The following CHMP4B variants were observed in gnomAD, a reference collection of about 807,000 sequenced individuals.
CHMP4B encodes SNF7 homolog associated with Alix 1.
In CHMP4B, 1 loss-of-function variant was observed where a neutral mutation model predicts 25.1. That is an observed-to-expected ratio of 0.04 (90% confidence interval 0.01 to 0.19). The LOEUF (loss-of-function observed/expected upper bound fraction) is 0.19, where lower values mean the gene tolerates loss of function less well. CHMP4B is among the 10% of genes least tolerant of loss of function. The pLI is 1.00. For missense variants in CHMP4B, 151 were observed against 289.7 expected (o/e 0.52, Z 3.48); for synonymous variants, 101 against 115.6 (o/e 0.87, Z 0.81).
intron 1 of CHMP4B, among the ~76,000 whole-genome samples, chr20:33,845,005 C>T (rs1486335301): frequency 6.6e-6 from 1 of 152,094 alleles, no homozygotes; most frequent in Non-Finnish European, 1.5e-5. Flanking sequence ...GTAATCCACC[C>T]GCCTTGGCCC....
At chr20:33,825,332 G>C (rs1189846961) in intron 1 of CHMP4B, among the ~76,000 whole-genome samples, 3 of 152,186 alleles carry the variant, frequency 2.0e-5, no homozygotes, top group Admixed American at 6.5e-5. Context: ...ATGGTCACAT[G>C]GTAGTTGTTT....
At chr20:33,847,392 G>T (rs1190580384) in intron 1 of CHMP4B, among the ~76,000 whole-genome samples, 4 of 151,952 alleles carry the variant, frequency 2.6e-5, no homozygotes. Context: ...GTATATTCTG[G>T]TCTCCTACAG....
intron 1 of CHMP4B, among the ~76,000 whole-genome samples, chr20:33,815,952 A>G (rs568216822): frequency 6.6e-6 from 1 of 152,334 alleles, no homozygotes; most frequent in South Asian, 2.1e-4. Context: ...AAGCAGAAAC[A>G]GGCTATTCCC....
chr20:33,835,576 C>A (rs922867483), intron 1 of CHMP4B, among the ~76,000 whole-genome samples: 1 of 152,164 alleles, frequency 6.6e-6, no homozygotes, highest in Non-Finnish European at 1.5e-5. Flanking sequence ...GTTTACAAAT[C>A]TTTTCATCAA....
chr20:33,835,890 G>C (rs1047492226), intron 1 of CHMP4B, among the ~76,000 whole-genome samples: 20 of 152,138 alleles, frequency 1.3e-4, no homozygotes, highest in Non-Finnish European at 2.8e-4. Context: ...TTAACAACCA[G>C]CTCTTTCGGG....
chr20:33,829,103 C>G (rs369012596), intron 1 of CHMP4B, among the ~76,000 whole-genome samples: 9 of 152,204 alleles, frequency 5.9e-5, no homozygotes, highest in South Asian at 4.1e-4. Context: ...CTTGGGCTCA[C>G]AGCCCATTAG....
chr20:33,811,695 T>TCC, intron 1 of CHMP4B, 37 bp downstream of exon 1: 2 of 1,597,944 alleles, frequency 1.3e-6, no homozygotes, highest in Non-Finnish European at 1.7e-6. Context: ...TGCCACGGGC[T>TCC]CCCCCCAGGC....
In CHMP4B at chr20:33,811,372, C is replaced by CGGCGGGACT; in HGVS notation, c.-94_-86dup. On this transcript the variant is annotated 5_prime_UTR_variant, in exon 1 of 5. Transcript: ENST00000217402. ...AGGAGAGGCCTGCGGCGGCAGGGAG[C>CGGCGGGACT]GGCGGGACTGGGAGCGGGCGCCGGA... is the stretch of plus-strand genomic sequence containing the variant. 2 of 1,054,586 alleles carry CGGCGGGACT rather than the reference C, an allele frequency of 1.9e-6. No individual in the cohort carries two copies. The highest frequency in any genetic ancestry group is 2.4e-6 in the Non-Finnish European group (2 of 825,030). The allele number at this position is 1,054,586 out of a possible 1,614,324, so 65.3% of individuals were successfully genotyped here. A position where few individuals can be genotyped will look rare whatever the true frequency, so the allele number is the denominator to read the frequency against.
intron 1 of CHMP4B, among the ~76,000 whole-genome samples, chr20:33,848,016 T>C (rs1849375777): frequency 6.6e-6 from 1 of 152,168 alleles, no homozygotes. Context: ...TGCTTTATAA[T>C]AATGGGAGCC....
intron 1 of CHMP4B, among the ~76,000 whole-genome samples, chr20:33,834,950 A>G (rs1979350567): frequency 6.6e-6 from 1 of 151,980 alleles, no homozygotes; most frequent in Admixed American, 6.6e-5. Context: ...CTACAGGCAC[A>G]CGCCACCACG....
intron 1 of CHMP4B, among the ~76,000 whole-genome samples, chr20:33,837,229 G>C (rs975413834): frequency 6.6e-6 from 1 of 152,106 alleles, no homozygotes; most frequent in Non-Finnish European, 1.5e-5. Flanking sequence ...AGACCAGCCT[G>C]GGCTACAGCT....
chr20:33,823,732 A>G (rs896769641), intron 1 of CHMP4B, among the ~76,000 whole-genome samples: 5 of 152,142 alleles, frequency 3.3e-5, no homozygotes, highest in African/African-American at 7.2e-5. Flanking sequence ...GGTGAAGCCA[A>G]TAGGGTTGCA....
intron 2 of CHMP4B, among the ~76,000 whole-genome samples, chr20:33,849,119 C>T (rs922672161): frequency 4.6e-5 from 7 of 152,228 alleles, no homozygotes; most frequent in Non-Finnish European, 1.0e-4. Flanking sequence ...ATGGCGTTTT[C>T]TGCCTCCTCT....
chr20:33,853,179 T>C (rs1325592496), intron 4 of CHMP4B, among the ~76,000 whole-genome samples: 1 of 152,154 alleles, frequency 6.6e-6, no homozygotes, highest in Non-Finnish European at 1.5e-5. Flanking sequence ...TCTGGGGTTC[T>C]TCCCACTCTC....
rs767880070 is a variant in CHMP4B at position 33,853,518 on chromosome 20, C to T, written c.633C>T (p.Asp211=). The change falls in exon 5 of 5, where the codon GAC becomes GAT. Residue 211 remains aspartate (D), a synonymous_variant. Coordinates refer to ENST00000217402, the MANE Select transcript of CHMP4B (RefSeq NM_176812.5). ...CAGCCAAGAAGAAAGAAGAGGAGGA[C>T]GACGACATGAAGGAATTGGAGAACT... ...SKPAKKKEEE[D]DDMKELENWA... 83 of 1,613,646 alleles carry T rather than the reference C, an allele frequency of 5.1e-5. 1 individual carries two copies. Among genetic ancestry groups the T allele is most frequent in the African/African-American group, 9.3e-5 (7 of 74,876 alleles).
chr20:33,824,074 C>T (rs1454518388), intron 1 of CHMP4B, among the ~76,000 whole-genome samples: 1 of 152,138 alleles, frequency 6.6e-6, no homozygotes, highest in African/African-American at 2.4e-5. Context: ...AATATGAGCA[C>T]CTATGCTTAT....
intron 1 of CHMP4B, among the ~76,000 whole-genome samples, chr20:33,844,774 T>C (rs1307168709): frequency 6.6e-6 from 1 of 152,004 alleles, no homozygotes; most frequent in Admixed American, 6.6e-5. Flanking sequence ...TTTTTTTTTT[T>C]TTGAGATGGA....
chr20:33,848,765 T>C, intron 2 of CHMP4B, 121 bp downstream of exon 2: 1 of 1,039,188 alleles, frequency 9.6e-7, no homozygotes, highest in South Asian at 1.4e-5. Context: ...TGAGTTTGTT[T>C]TAATTCTCAT....
chr20:33,825,055 C>T (rs1260264244), intron 1 of CHMP4B, among the ~76,000 whole-genome samples: 1 of 152,200 alleles, frequency 6.6e-6, no homozygotes, highest in Non-Finnish European at 1.5e-5. Context: ...CCAAGGCCAC[C>T]TGGCTCTGCT....
Sources: gnomAD v4.1 joint callset for allele counts (sites outside exome capture counted in the v4.1 genomes callset) on GRCh38, gnomAD v4.1.1 for gene constraint, MANE v1.5 for transcripts, NCBI Gene and HGNC (gene_info 2026-07-23, HGNC 2026-07-21) for gene names.